The following LRP1B variants were observed in gnomAD, a reference collection of about 807,000 sequenced individuals.
LRP1B encodes LDL receptor related protein 1B, also known as low-density lipoprotein receptor-related protein 1B.
In LRP1B, 217 loss-of-function variants were observed where a neutral mutation model predicts 556.6. The ratio of observed to expected loss-of-function variants is 0.39; its 90% CI spans 0.35 to 0.44. The LOEUF (loss-of-function observed/expected upper bound fraction) is 0.44, where lower values mean the gene tolerates loss of function less well. LRP1B is among the 20% of genes least tolerant of loss of function. LRP1B has a pLI of 1.00. For synonymous variants in LRP1B, 2,047 were observed against 1,865.8 expected (o/e 1.10, Z -2.50); for missense variants, 5,053 against 5,620.8 (o/e 0.90, Z 3.23).
intron 53 of LRP1B, 31 bp downstream of exon 53, chr2:140,506,765 A>G (rs1343652449): frequency 6.3e-7 from 1 of 1,594,374 alleles, no homozygotes; most frequent in Non-Finnish European, 8.5e-7. Flanking sequence ...TAGCCTAGGA[A>G]TCTCCTTCAT....
At chr2:140,945,513 A>G (rs1695516464) in intron 20 of LRP1B, among the ~76,000 whole-genome samples, 1 of 152,172 alleles carries the variant, frequency 6.6e-6, no homozygotes, top group Non-Finnish European at 1.5e-5. Flanking sequence ...AAATAGACAC[A>G]CAGATCAACG....
At chr2:140,717,412 C>T (rs572258550) in intron 35 of LRP1B, among the ~76,000 whole-genome samples, 1 of 152,128 alleles carries the variant, frequency 6.6e-6, no homozygotes, top group South Asian at 2.1e-4. Context: ...AACTACAAGA[C>T]CCTTACATTA....
At chr2:142,113,655 T>C (rs1370651431) in intron 1 of LRP1B, among the ~76,000 whole-genome samples, 2 of 152,020 alleles carry the variant, frequency 1.3e-5, no homozygotes, top group Non-Finnish European at 2.9e-5. Flanking sequence ...TAAATACGTG[T>C]GTACATTGAA....
At chr2:140,393,532 T>C (rs929167910) in intron 66 of LRP1B, among the ~76,000 whole-genome samples, 4 of 152,216 alleles carry the variant, frequency 2.6e-5, no homozygotes, top group Middle Eastern at 3.4e-3. Context: ...TTAAGAGATA[T>C]TGGAAATACA....
chr2:141,400,555 A>C (rs1690412831), intron 3 of LRP1B, among the ~76,000 whole-genome samples: 1 of 152,192 alleles, frequency 6.6e-6, no homozygotes, highest in African/African-American at 2.4e-5. Flanking sequence ...ACATTATCCT[A>C]GATACACCTA....
chr2:141,882,910 G>A (rs1419992740), intron 1 of LRP1B, among the ~76,000 whole-genome samples: 1 of 152,088 alleles, frequency 6.6e-6, no homozygotes, highest in East Asian at 1.9e-4. Context: ...AGTCAAATGT[G>A]CTTTAGAAGT....
chr2:140,303,070 T>C (rs1573758277), intron 83 of LRP1B, among the ~76,000 whole-genome samples: 1 of 141,466 alleles, frequency 7.1e-6, no homozygotes, highest in South Asian at 2.2e-4. Flanking sequence ...CACACACACA[T>C]ATATATCGGT....
chr2:141,876,347 TAG>T (rs1356669962), intron 1 of LRP1B, among the ~76,000 whole-genome samples: 1 of 151,952 alleles, frequency 6.6e-6, no homozygotes, highest in Non-Finnish European at 1.5e-5. Flanking sequence ...GAGGCAGTGG[TAG>T]TGGAAAATAA....
At chr2:141,828,869 A>T (rs1293064237) in intron 1 of LRP1B, among the ~76,000 whole-genome samples, 1 of 152,102 alleles carries the variant, frequency 6.6e-6, no homozygotes. Flanking sequence ...ATGAAATTAA[A>T]AAAAAATTAT....
chr2:140,625,323 T>A (rs1000530942), intron 41 of LRP1B, among the ~76,000 whole-genome samples: 14 of 152,138 alleles, frequency 9.2e-5, no homozygotes, highest in African/African-American at 3.4e-4. Context: ...ACAATAATTT[T>A]AAAAAGTAAT....
intron 59 of LRP1B, among the ~76,000 whole-genome samples, chr2:140,480,465 T>C (rs1484823797): frequency 6.6e-6 from 1 of 152,192 alleles, no homozygotes; most frequent in African/African-American, 2.4e-5. Flanking sequence ...ACAGACTTTT[T>C]TTTTTCACTC....
chr2:140,938,710 A>T (rs531355068), intron 20 of LRP1B, among the ~76,000 whole-genome samples: 1 of 152,212 alleles, frequency 6.6e-6, no homozygotes, highest in African/African-American at 2.4e-5. Context: ...TACTGTGAGG[A>T]TTAAATGAAG....
At position 140,701,500 on chromosome 2, in the gene LRP1B, G is replaced by A. The variant is rs546743862; in HGVS notation, c.6427+221C>T. On this transcript the variant is annotated intron_variant, in intron 40 of 90. Coordinates refer to ENST00000389484, the MANE Select transcript of LRP1B (RefSeq NM_018557.3). ...TCAAGACATGCCAGGTATGTAACAT[G>A]TCCATGTACCTGTGCTGTCCTGGGC... Among the ~76,000 whole-genome samples the A allele has an allele frequency of 7.9e-5, 12 of 152,096 alleles. No homozygotes were observed. The East Asian group carries it at 2.1e-3, about 27-fold the overall frequency.
intron 17 of LRP1B, among the ~76,000 whole-genome samples, chr2:140,982,877 C>G (rs1696813297): frequency 6.6e-6 from 1 of 150,860 alleles, no homozygotes; most frequent in Middle Eastern, 3.2e-3. Context: ...TTTTAACTCA[C>G]TTTTCAGCAC....
At chr2:141,001,703 T>C (rs1697430569) in intron 15 of LRP1B, among the ~76,000 whole-genome samples, 1 of 152,080 alleles carries the variant, frequency 6.6e-6, no homozygotes, top group Non-Finnish European at 1.5e-5. Flanking sequence ...ACCTCCCATC[T>C]TTAAGAGGAA....
At chr2:141,335,874 A>G (rs978740934) in intron 3 of LRP1B, among the ~76,000 whole-genome samples, 2 of 152,114 alleles carry the variant, frequency 1.3e-5, no homozygotes, top group African/African-American at 4.8e-5. Context: ...ACAGACCTAA[A>G]TCAAAACAGT....
chr2:140,839,684 G>A (rs1431755724), intron 31 of LRP1B, among the ~76,000 whole-genome samples: 1 of 152,168 alleles, frequency 6.6e-6, no homozygotes, highest in Admixed American at 6.5e-5. Flanking sequence ...TTAGGACTCG[G>A]ACTAGTTTGC....
intron 1 of LRP1B, among the ~76,000 whole-genome samples, chr2:142,082,711 T>C (rs1258849957): frequency 6.6e-6 from 1 of 152,208 alleles, no homozygotes. Context: ...AACAGAATAG[T>C]CAGGTTGTGA....
At chr2:140,553,334 A>C (rs1680613474) in intron 43 of LRP1B, among the ~76,000 whole-genome samples, 1 of 152,004 alleles carries the variant, frequency 6.6e-6, no homozygotes, top group Non-Finnish European at 1.5e-5. Context: ...AAGATGCCTA[A>C]ATGACACTAG....
Sources: gnomAD v4.1 joint callset for allele counts (sites outside exome capture counted in the v4.1 genomes callset) on GRCh38, gnomAD v4.1.1 for gene constraint, MANE v1.5 for transcripts, NCBI Gene and HGNC (gene_info 2026-07-23, HGNC 2026-07-21) for gene names.